Variants in FLNC observed in about 807,000 individuals in gnomAD.
The protein encoded by FLNC is filamin-C.
In FLNC, 91 loss-of-function variants were observed where a neutral mutation model predicts 254.3. That is an observed-to-expected ratio of 0.36 (90% CI 0.30 to 0.43). The LOEUF (loss-of-function observed/expected upper bound fraction) is 0.43, where lower values mean the gene tolerates loss of function less well. Ranked by LOEUF, FLNC falls within the 20% of genes least tolerant of loss-of-function variation. The pLI, the probability that FLNC is intolerant of heterozygous loss-of-function variation, is 1.00. For missense variants in FLNC, 2,853 were observed against 3,802.6 expected (o/e 0.75, Z 6.57); for synonymous variants, 1,430 against 1,577.2 (o/e 0.91, Z 2.21).
chr7:128,837,056 A>G (rs896875278), intron 2 of FLNC, 104 bp from the exon 3 acceptor site: 2 of 799,576 alleles, frequency 2.5e-6, no homozygotes, highest in Non-Finnish European at 4.3e-6. Flanking sequence ...GCTGGTGGGA[A>G]GGGGTGTAAA....
chr7:128,847,393 C>T (rs1019743157), intron 24 of FLNC, among the ~76,000 whole-genome samples: 3 of 152,226 alleles, frequency 2.0e-5, no homozygotes, highest in Admixed American at 1.3e-4. Context: ...ATTATTTCAG[C>T]CACAGTGTCA....
Position 128,846,958 on chromosome 7 carries a change from T to C in FLNC, c.4288+53T>C. On this transcript the variant is annotated intron_variant, in intron 24 of 47. Transcript: ENST00000325888. ...AGGGAAGACAAGGGAGGGTGCAGGA[T>C]GCTCGCCCCACAAGGGGGAAACTGG... 1.9e-6 allele frequency: 3 copies of C among 1,600,654 alleles called. No individual in the cohort carries two copies. The South Asian group carries it at 3.3e-5, about 18-fold the overall frequency.
At position 128,846,763 on chromosome 7, in the gene FLNC, C is replaced by A. The variant is rs765757617; in HGVS notation, c.4146C>A (p.Gly1382=). 6.2e-7 allele frequency: 1 copy of A among 1,614,064 alleles called. No individual in the cohort carries two copies. The highest frequency in any genetic ancestry group is 1.7e-5 in the Admixed American group (1 of 60,012). Residue 1382 remains glycine, a synonymous_variant, in exon 24 of 48, where the codon GGC becomes GGA. Transcript: ENST00000325888. The part of the protein sequence containing the change: ...TVETRGAGTG[G]LGLAIEGPSE... ...CTCTCAGGGGAGCGGGCACCGGGGG[C>A]CTTGGCCTAGCCATCGAGGGTCCCT...
Position 128,841,635 on chromosome 7 carries a change from C to T in FLNC, c.2121+68C>T, listed in dbSNP as rs953014733. The T allele has an allele frequency of 8.1e-7, 1 of 1,240,282 alleles. No individual in the cohort carries two copies. The highest frequency in any genetic ancestry group is 1.2e-6 in the Non-Finnish European group (1 of 839,826). 76.8% of individuals were successfully genotyped at this position (1,240,282 alleles called of 1,614,324 possible). On this transcript the variant is annotated intron_variant, in intron 13 of 47. Transcript: ENST00000325888. This position sits in a 1 kb window ranked among gnomAD's most constrained non-coding sequence, Gnocchi z 4.3. ...AGGGACCCTGGAAGGCAGGGCCAGGCCAGAGGCAGAGGCCTCCCAGCAGGA... is the reference window on the plus strand; with the variant it reads ...AGGGACCCTGGAAGGCAGGGCCAGGTCAGAGGCAGAGGCCTCCCAGCAGGA...
At position 128,841,213 on chromosome 7, in the gene FLNC, C is replaced by A. The variant is rs771469976; in HGVS notation, c.1857C>A (p.Asp619Glu). 1 of 1,614,062 alleles carries A rather than the reference C, an allele frequency of 6.2e-7. No homozygotes were observed. The highest frequency in any genetic ancestry group is 8.5e-7 in the Non-Finnish European group (1 of 1,179,990). The change falls in exon 12 of 48, where the codon GAC becomes GAA. Residue 619 changes from aspartate to glutamate, a missense_variant. By Grantham distance (45) the Asp-to-Glu change is conservative. Transcript: ENST00000325888. The surrounding 1 kb of genome is among the most constrained non-coding windows in gnomAD (Gnocchi z 4.3). ...EGPSQAKIEC[D>E]DKGDGSCDVR... ...CCTCACAAGCCAAGATCGAATGTGA[C>A]GACAAGGGGGATGGCTCCTGCGATG... is the stretch of plus-strand genomic sequence containing the variant.
rs1271890360 is a variant in FLNC, at chr7:128,830,607, A to G, written c.-31A>G. The stretch of plus-strand genomic sequence containing the variant: ...CCCCGATAGCCCAAACCGCGGCCCT[A>G]GCCCCGGCCGCACCCCCAGCCCGCG... On this transcript the variant is annotated 5_prime_UTR_variant, in exon 1 of 48. Coordinates refer to ENST00000325888, the MANE Select transcript of FLNC (RefSeq NM_001458.5). 1.2e-6 allele frequency: 2 copies of G among 1,601,656 alleles called. No individual in the cohort carries two copies. The highest frequency in any genetic ancestry group is 1.7e-6 in the Non-Finnish European group (2 of 1,172,032).
At position 128,855,470 on chromosome 7, in the gene FLNC, C is replaced by T. The variant is rs183791356; in HGVS notation, c.7251+156C>T. ...AGGCACGAGGCAGGGCCCTTGGGGA[C>T]GGTGGGCTCCCACCCTGGGGGCTTG... is the stretch of plus-strand genomic sequence containing the variant. On this transcript the variant is annotated intron_variant, in intron 43 of 47. Transcript: ENST00000325888. 1.5e-3 allele frequency among the ~76,000 whole-genome samples: 229 copies of T among 152,280 alleles called. 1 individual carries two copies. Among genetic ancestry groups the T allele is most frequent in the Non-Finnish European group, 1.9e-3 (126 of 68,014 alleles).
chr7:128,842,512 G>GCGCT lies in FLNC; in HGVS notation c.2266-62_2266-59dup. 1 of 1,552,958 alleles carries GCGCT rather than the reference G, an allele frequency of 6.4e-7. No homozygotes were observed. The highest frequency in any genetic ancestry group is 8.7e-7 in the Non-Finnish European group (1 of 1,148,538). ...TGGTGCCACTGAGGCTGGGCCGGGTGCGCTGGGCAGGAGGATGAGCCTTGA... is the reference window on the plus strand; with the variant it reads ...TGGTGCCACTGAGGCTGGGCCGGGTGCGCTCGCTGGGCAGGAGGATGAGCCTTGA... On this transcript the variant is annotated intron_variant, in intron 14 of 47. Transcript: ENST00000325888. This position sits in a 1 kb window ranked among gnomAD's most constrained non-coding sequence, Gnocchi z 5.4.
In FLNC at chr7:128,840,603, C is replaced by G; in HGVS notation, c.1605C>G (p.Cys535Trp). ...AGGCTGGGGATGGTGTGTTCGAGTGCGAGTACTACCCGGTGGTGCCTGGGA... is the reference window on the plus strand; with the variant it reads ...AGGCTGGGGATGGTGTGTTCGAGTGGGAGTACTACCCGGTGGTGCCTGGGA... The part of the protein sequence containing the change: ...VREAGDGVFE[C>W]EYYPVVPGKY... The change falls in exon 10 of 48, where the codon TGC becomes TGG. Residue 535 changes from cysteine (C) to tryptophan (W), a missense_variant. Coordinates refer to ENST00000325888, the MANE Select transcript of FLNC (RefSeq NM_001458.5). 1 of 1,614,200 alleles carries G rather than the reference C, an allele frequency of 6.2e-7. No homozygotes were observed. Among genetic ancestry groups the G allele is most frequent in the Admixed American group, 1.7e-5 (1 of 60,030 alleles).
intron 8 of FLNC, among the ~76,000 whole-genome samples, chr7:128,839,147 C>T (rs189404542): frequency 1.3e-5 from 2 of 152,248 alleles, no homozygotes; most frequent in African/African-American, 4.8e-5. Flanking sequence ...AGTGATGCCA[C>T]ATTAATGCTC....
Position 128,842,257 on chromosome 7 carries a change from C to T in FLNC, c.2148C>T (p.Ile716=), listed in dbSNP as rs776121297. The T allele has an allele frequency of 1.2e-6, 2 of 1,613,776 alleles. No homozygotes were observed. Among genetic ancestry groups the T allele is most frequent in the East Asian group, 4.5e-5 (2 of 44,882 alleles). The change falls in exon 14 of 48, where the codon ATC becomes ATT. Residue 716 remains isoleucine (I), a synonymous_variant. Coordinates refer to ENST00000325888, the MANE Select transcript of FLNC (RefSeq NM_001458.5). This position sits in a 1 kb window ranked among gnomAD's most constrained non-coding sequence, Gnocchi z 5.4. ...AQDADGCPID[I]KVIPNGDGTF... ...ACGCCGACGGCTGTCCCATCGACAT[C>T]AAGGTGATCCCCAACGGCGACGGCA... is the stretch of plus-strand genomic sequence containing the variant.
Position 128,837,262 on chromosome 7 carries a change from A to G in FLNC, c.699+5A>G, listed in dbSNP as rs1808129501. The G allele has an allele frequency of 8.1e-6, 12 of 1,480,598 alleles. 1 individual carries two copies. Among genetic ancestry groups the G allele is most frequent in the African/African-American group, 5.6e-5 (4 of 71,764 alleles). The allele number at this position is 1,480,598 out of a possible 1,614,324, so 91.7% of individuals were successfully genotyped here. The stretch of plus-strand genomic sequence containing the variant: ...GACTGGCTTGGGGTGCCCCAGGTAC[A>G]TGCGCAGATGGGGCAGGGGGGAAAG... On this transcript the variant is annotated splice_donor_5th_base_variant and intron_variant, in intron 3 of 47. Transcript: ENST00000325888.
chr7:128,845,790 A>G, intron 21 of FLNC, among the ~76,000 whole-genome samples, 200 bp from the exon 22 acceptor site: 1 of 62,280 alleles, frequency 1.6e-5, no homozygotes, highest in African/African-American at 5.5e-5. Flanking sequence ...GGTGCAGGGG[A>G]GGGTGTGGGG....
At chr7:128,851,063 G>A (rs930692614) in intron 33 of FLNC, 120 bp downstream of exon 33, 13 of 1,517,212 alleles carry the variant, frequency 8.6e-6, no homozygotes, top group African/African-American at 5.5e-5. Flanking sequence ...GACACCAGGC[G>A]AGGCCCCAGG....
chr7:128,830,642 T>C lies in FLNC; in HGVS notation c.5T>C (p.Met2Thr). Residue 2 changes from methionine to threonine, a missense_variant, in exon 1 of 48, where the codon ATG (methionine) becomes ACG (threonine). By Grantham distance (81) the Met-to-Thr change is moderately conservative (BLOSUM62 -1). This residue lies in a region of FLNC where 37 missense variants were observed against 32.7 expected (regional missense o/e 1.13). Transcript: ENST00000325888. ...GCACCCCCAGCCCGCGCCAGCATGA[T>C]GAACAACAGCGGCTACTCAGACGCC... The part of the protein sequence containing the change: M[M>T]NNSGYSDAGL... The C allele has an allele frequency of 6.2e-7, 1 of 1,612,004 alleles. No homozygotes were observed. Among genetic ancestry groups the C allele is most frequent in the Non-Finnish European group, 8.5e-7 (1 of 1,179,598 alleles).
intron 33 of FLNC, 68 bp from the exon 34 acceptor site, chr7:128,851,164 G>T (rs1423759238): frequency 6.2e-7 from 1 of 1,610,410 alleles, no homozygotes. Context: ...GCTGGAAGGT[G>T]CTGGGGCCAA....
At chr7:128,840,373 C>T (rs947661715) in intron 9 of FLNC, among the ~76,000 whole-genome samples, 175 bp from the exon 10 acceptor site, 3 of 152,182 alleles carry the variant, frequency 2.0e-5, no homozygotes, top group Admixed American at 6.5e-5. Context: ...AAGTGCTATA[C>T]GGGGTGTTAT....
In FLNC at chr7:128,848,935, G is replaced by A. The variant is rs751592993; in HGVS notation, c.4880G>A (p.Arg1627His). ...GGDEIPYSPF[R>H]IHALPTGDAS... Reference sequence around the variant, plus strand: ...GATGAGATCCCCTACTCGCCCTTCCGCATCCATGCTCTGCCCACTGGGGAT... The same window carrying A: ...GATGAGATCCCCTACTCGCCCTTCCACATCCATGCTCTGCCCACTGGGGAT... Residue 1627 changes from arginine to histidine, a missense_variant, in exon 28 of 48, where the codon CGC becomes CAC. Arg to His is a conservative substitution (Grantham distance 29, BLOSUM62 0). Around this residue, in one of 10 missense-constraint regions of FLNC, gnomAD observed 258 missense variants for 312.3 expected, o/e 0.83. Coordinates refer to ENST00000325888, the MANE Select transcript of FLNC (RefSeq NM_001458.5). 39 of 1,613,518 alleles carry A rather than the reference G, an allele frequency of 2.4e-5. No homozygotes were observed. The Middle Eastern group carries it at 6.6e-4, about 27-fold the overall frequency.
At chr7:128,834,867 G>A (rs1305701568) in intron 1 of FLNC, among the ~76,000 whole-genome samples, 6 of 152,110 alleles carry the variant, frequency 3.9e-5, no homozygotes, top group African/African-American at 1.2e-4. Flanking sequence ...TGGTACCTTC[G>A]TTATTCTCCA....
Sources: allele counts gnomAD v4.1 joint callset (sites outside exome capture counted in the v4.1 genomes callset), GRCh38; gene constraint gnomAD v4.1.1; regional missense constraint gnomAD v4.1.1; non-coding constraint Gnocchi (gnomAD v3.1); transcripts MANE v1.5; gene names NCBI Gene and HGNC (gene_info 2026-07-23, HGNC 2026-07-21).